The following PRDM15 variants were observed in gnomAD, a reference collection of about 807,000 sequenced individuals.
PRDM15 encodes the protein PR/SET domain 15.
A neutral mutation model predicts 128.6 loss-of-function variants in PRDM15; 64 were observed. The observed-to-expected ratio is 0.50, with a 90% CI of 0.41 to 0.61. The LOEUF (loss-of-function observed/expected upper bound fraction) is 0.61, where lower values mean the gene tolerates loss of function less well. PRDM15 is among the 20% of genes least tolerant of loss of function. The pLI, the probability that PRDM15 is intolerant of heterozygous loss-of-function variation, is 0.00. For synonymous variants in PRDM15, 615 were observed against 621.8 expected (o/e 0.99, Z 0.16); for missense variants, 1,242 against 1,569.1 (o/e 0.79, Z 3.52).
chr21:41,879,157 G>A lies in PRDM15; in HGVS notation c.-10+113C>T, dbSNP rs756077868. ...GGCGCGCGGCTGCCGGGCGCGGGGG[G>A]CGGGGGGCAGCGGGCCCAGGGCGCG... On this transcript the variant is annotated intron_variant, in intron 1 of 23. Coordinates refer to ENST00000398548, the MANE Select transcript of PRDM15 (RefSeq NM_001040424.3). This position sits in a 1 kb window ranked among gnomAD's most constrained non-coding sequence, Gnocchi z 5.1. 80 of 924,438 alleles carry A rather than the reference G, an allele frequency of 8.7e-5. No individual in the cohort carries two copies. The highest frequency in any genetic ancestry group is 6.4e-5 in the Admixed American group (1 of 15,560). 57.3% of individuals were successfully genotyped at this position (924,438 alleles called of 1,614,324 possible).
At chr21:41,820,839 T>A (rs1425052192) in intron 16 of PRDM15, among the ~76,000 whole-genome samples, 3 of 152,222 alleles carry the variant, frequency 2.0e-5, no homozygotes, top group African/African-American at 4.8e-5. Context: ...TCCTGTAACA[T>A]GGCCAGCTGG....
At chr21:41,871,923 C>A in intron 1 of PRDM15, 1 of 253,428 alleles carries the variant, frequency 3.9e-6, no homozygotes, top group East Asian at 8.0e-5. Flanking sequence ...CAGAACCCTC[C>A]TTGGCCCAGC....
rs535897744 is a variant in PRDM15, at chr21:41,820,865, C to T, written c.2060+202G>A. Among the ~76,000 whole-genome samples the T allele has an allele frequency of 4.6e-5, 7 of 152,336 alleles. No individual in the cohort carries two copies. In the East Asian group the frequency reaches 5.8e-4, roughly 13 times the overall value. ...GGCCAGCTGGTGCCAGGAGACTATG[C>T]GGAAGCACAGGATAAACCCCAGCCC... is the stretch of plus-strand genomic sequence containing the variant. On this transcript the variant is annotated intron_variant, in intron 16 of 23. Coordinates refer to ENST00000398548, the MANE Select transcript of PRDM15 (RefSeq NM_001040424.3).
chr21:41,824,496 C>T (rs1405499646), intron 13 of PRDM15, among the ~76,000 whole-genome samples: 19 of 151,152 alleles, frequency 1.3e-4, no homozygotes. Flanking sequence ...TCAATAAACA[C>T]TGCACAGAAT....
chr21:41,801,844 G>T, intron 23 of PRDM15, 122 bp from the exon 24 acceptor site: 1 of 1,127,556 alleles, frequency 8.9e-7, no homozygotes. Context: ...GGTGAAAGAG[G>T]AAACCGAGTT....
chr21:41,836,225 A>G lies in PRDM15; in HGVS notation c.1184-18T>C. On this transcript the variant is annotated intron_variant, in intron 9 of 23. Coordinates refer to ENST00000398548, the MANE Select transcript of PRDM15 (RefSeq NM_001040424.3). ...CTTGTCACCTGAGGAACCAACCAAC[A>G]GAGAGCTCATTCACTACTTAGAGCA... 1 of 1,607,620 alleles carries G rather than the reference A, an allele frequency of 6.2e-7. No individual in the cohort carries two copies. Among genetic ancestry groups the G allele is most frequent in the Non-Finnish European group, 8.5e-7 (1 of 1,174,294 alleles).
chr21:41,819,287 G>A (rs537482099), intron 18 of PRDM15, among the ~76,000 whole-genome samples: 5 of 152,194 alleles, frequency 3.3e-5, no homozygotes, highest in South Asian at 2.1e-4. Flanking sequence ...GCAGCTGGGC[G>A]GCCTGGCTGA....
intron 1 of PRDM15, among the ~76,000 whole-genome samples, chr21:41,865,992 G>C (rs1381980030): frequency 6.6e-6 from 1 of 152,100 alleles, no homozygotes. Flanking sequence ...CAATCCTCCT[G>C]CTTCAGCCTC....
chr21:41,878,514 C>A (rs1009895219), intron 1 of PRDM15, among the ~76,000 whole-genome samples: 5 of 152,178 alleles, frequency 3.3e-5, no homozygotes, highest in African/African-American at 1.2e-4. Flanking sequence ...CTGCGCGTGG[C>A]CCCCGTCCCC....
rs113178995 is a variant in PRDM15 at position 41,854,316 on chromosome 21, T to C, written c.538+250A>G. Among the ~76,000 whole-genome samples, 2 of 152,136 alleles carry C rather than the reference T, an allele frequency of 1.3e-5. No individual in the cohort carries two copies. The highest frequency in any genetic ancestry group is 2.4e-5 in the African/African-American group (1 of 41,428). ...TCGCCCCAGGACACATTTCTGAGAA[T>C]GTATCTCTGTTGTTAAACACTGCCT... On this transcript the variant is annotated intron_variant, in intron 5 of 23. Coordinates refer to ENST00000398548, the MANE Select transcript of PRDM15 (RefSeq NM_001040424.3). The surrounding 1 kb of genome is among the most constrained non-coding windows in gnomAD (Gnocchi z 4.6).
rs1368899194 is a variant in PRDM15, at chr21:41,878,392, G to A, written c.-10+878C>T. Among the ~76,000 whole-genome samples, 4 of 152,294 alleles carry A rather than the reference G, an allele frequency of 2.6e-5. No individual in the cohort carries two copies. The East Asian group carries it at 7.7e-4, about 29-fold the overall frequency. On this transcript the variant is annotated intron_variant, in intron 1 of 23. Transcript: ENST00000398548. Reference sequence around the variant, plus strand: ...TCCACTACATTAGGGGGTTAAGAAAGGTAAATGGGTGATAACTCTAACCAC... The same window carrying A: ...TCCACTACATTAGGGGGTTAAGAAAAGTAAATGGGTGATAACTCTAACCAC...
rs1270828674 is a variant in PRDM15, at chr21:41,804,524, T to C, written c.2733+10A>G. ...AAGTTTCTGAGCCCCTGGGGCCCCA[T>C]GCTGCTCACCTGGACGATGCCAATG... is the stretch of plus-strand genomic sequence containing the variant. On this transcript the variant is annotated intron_variant, in intron 22 of 23. Transcript: ENST00000398548. 5.8e-6 allele frequency: 9 copies of C among 1,559,482 alleles called. No individual in the cohort carries two copies. Among genetic ancestry groups the C allele is most frequent in the African/African-American group, 2.7e-5 (2 of 73,740 alleles).
At chr21:41,822,161 G>T in intron 14 of PRDM15, 124 bp from the exon 15 acceptor site, 1 of 1,364,590 alleles carries the variant, frequency 7.3e-7, no homozygotes, top group Non-Finnish European at 1.0e-6. Context: ...TGATGCCCGT[G>T]GCGCCCTAAC....
At chr21:41,806,890 C>T (rs1022499479) in intron 21 of PRDM15, among the ~76,000 whole-genome samples, 1 of 144,618 alleles carries the variant, frequency 6.9e-6, no homozygotes, top group Non-Finnish European at 1.5e-5. Context: ...AGCACCACTA[C>T]CACCATGTGG....
rs2061421677 is a variant in PRDM15, at chr21:41,801,662, T to C, written c.3004A>G (p.Asn1002Asp). The change falls in exon 24 of 24, where the codon AAC (asparagine) becomes GAC (aspartate). Residue 1002 changes from asparagine (N) to aspartate (D), a missense_variant. Physicochemically the swap from Asn to Asp is conservative, Grantham distance 23. This residue lies in a region of PRDM15 where 602 missense variants were observed against 788.3 expected (regional missense o/e 0.76). Transcript: ENST00000398548. The part of the protein sequence containing the change: ...TTPSSSVGLT[N>D]ITVTPITTAA... ...GTGGTGATGGGGGTCACGGTGATGT[T>C]GGTTAAGCCGACTGAGCTCGATGGT... 1 of 1,614,082 alleles carries C rather than the reference T, an allele frequency of 6.2e-7. No homozygotes were observed. Among genetic ancestry groups the C allele is most frequent in the Non-Finnish European group, 8.5e-7 (1 of 1,179,992 alleles).
intron 1 of PRDM15, chr21:41,875,058 G>A (rs1043225721): frequency 1.3e-5 from 2 of 152,386 alleles, no homozygotes; most frequent in African/African-American, 4.8e-5. Flanking sequence ...GATTCATGTA[G>A]GACGAGTGGC....
chr21:41,803,327 A>C (rs1051920259), intron 22 of PRDM15, among the ~76,000 whole-genome samples: 1 of 152,220 alleles, frequency 6.6e-6, no homozygotes, highest in Non-Finnish European at 1.5e-5. Flanking sequence ...ACCATAAAAA[A>C]CAATTTTGAA....
In PRDM15 at chr21:41,861,671, G is replaced by T. The variant is rs752282669; in HGVS notation, c.-9-1299C>A. ...GCTGATTCCACACGCCCTCCACCCC[G>T]CTCATCCCCAGCAGCTTGAAGGGTG... On this transcript the variant is annotated intron_variant, in intron 1 of 23. Coordinates refer to ENST00000398548, the MANE Select transcript of PRDM15 (RefSeq NM_001040424.3). 3.1e-6 allele frequency: 5 copies of T among 1,613,902 alleles called. No individual in the cohort carries two copies. In the African/African-American group the frequency reaches 6.7e-5, roughly 22 times the overall value.
At chr21:41,860,188 A>T in intron 2 of PRDM15, 139 bp downstream of exon 2, 1 of 619,024 alleles carries the variant, frequency 1.6e-6, no homozygotes, top group Non-Finnish European at 2.9e-6. Context: ...TTCATAGGGA[A>T]ATTTTAAATA....
Sources: allele counts gnomAD v4.1 joint callset (sites outside exome capture counted in the v4.1 genomes callset), GRCh38; gene constraint gnomAD v4.1.1; regional missense constraint gnomAD v4.1.1; non-coding constraint Gnocchi (gnomAD v3.1); transcripts MANE v1.5; gene names NCBI Gene and HGNC (gene_info 2026-07-23, HGNC 2026-07-21).